Variants in ZNF462 observed in about 807,000 individuals in gnomAD.
ZNF462 encodes zinc finger protein 462, also known as zinc finger PBX1-interacting protein.
In ZNF462, 10 loss-of-function variants were observed where a neutral mutation model predicts 201.9. That is an observed-to-expected ratio of 0.05 (90% CI 0.03 to 0.08). The LOEUF (loss-of-function observed/expected upper bound fraction) is 0.08. Ranked by LOEUF, ZNF462 falls within the 10% of genes least tolerant of loss-of-function variation. The probability of loss-of-function intolerance (pLI) is 1.00; values close to 1 mark genes in which losing one functional copy is unlikely to be tolerated. For synonymous variants in ZNF462, 1,227 were observed against 1,193.3 expected (o/e 1.03, Z -0.58); for missense variants, 2,523 against 3,168.3 (o/e 0.80, Z 4.89).
In ZNF462 at chr9:106,905,014, C is replaced by T. The variant is rs951454405; in HGVS notation, c.-30-18340C>T. Among the ~76,000 whole-genome samples the T allele has an allele frequency of 6.6e-6, 1 of 151,918 alleles. No individual in the cohort carries two copies. Among genetic ancestry groups the T allele is most frequent in the African/African-American group, 2.4e-5 (1 of 41,330 alleles). On this transcript the variant is annotated intron_variant, in intron 1 of 12. Transcript: ENST00000277225. This position sits in a 1 kb window ranked among gnomAD's most constrained non-coding sequence, Gnocchi z 5.9. ...GAAGAGCCTTGTTTTGTCATATTAC[C>T]AGGGTTGGTTTTCTGGTTTCTTCTC... is the stretch of plus-strand genomic sequence containing the variant.
At chr9:106,900,026 T>C (rs1828990749) in intron 1 of ZNF462, among the ~76,000 whole-genome samples, 1 of 143,452 alleles carries the variant, frequency 7.0e-6, no homozygotes, top group African/African-American at 2.5e-5. Context: ...CCAAAGTCCA[T>C]TGTATTGTTT....
At chr9:106,983,619 T>A (rs879410056) in intron 9 of ZNF462, among the ~76,000 whole-genome samples, 5 of 152,248 alleles carry the variant, frequency 3.3e-5, no homozygotes, top group Non-Finnish European at 7.3e-5. Flanking sequence ...CCAACTGCAA[T>A]GTCTATGACC....
rs1265671117 is a variant in ZNF462, at chr9:107,011,084, G to A, written c.*54G>A. On this transcript the variant is annotated 3_prime_UTR_variant, in exon 13 of 13. Transcript: ENST00000277225. This position sits in a 1 kb window ranked among gnomAD's most constrained non-coding sequence, Gnocchi z 5.6. Reference sequence around the variant, plus strand: ...TACTTGAACAGTGATGAAAAAGTGGGAGGGCTGGCTTGGGCTGAGAAGGGA... The same window carrying A: ...TACTTGAACAGTGATGAAAAAGTGGAAGGGCTGGCTTGGGCTGAGAAGGGA... The A allele has an allele frequency of 6.3e-7, 1 of 1,584,374 alleles. No homozygotes were observed. Among genetic ancestry groups the A allele is most frequent in the African/African-American group, 1.3e-5 (1 of 74,148 alleles).
rs1344775343 is a variant in ZNF462 at position 106,927,439 on chromosome 9, T to C, written c.3527T>C (p.Leu1176Pro). Reference sequence around the variant, plus strand: ...CGGCCACCCGCCCCCATACAACAGCTGAACCGAAGCAGCTCTGAGAGAGAT... The same window carrying C: ...CGGCCACCCGCCCCCATACAACAGCCGAACCGAAGCAGCTCTGAGAGAGAT... ...SPRPPAPIQQ[L>P]NRSSSERDGP... is the part of the protein sequence containing the mutation. Residue 1176 changes from leucine (L) to proline (P), a missense_variant, in exon 3 of 13, where the codon CTG becomes CCG. Leu to Pro is a moderately conservative substitution (Grantham distance 98, BLOSUM62 -3). Transcript: ENST00000277225. 5 of 1,604,732 alleles carry C rather than the reference T, an allele frequency of 3.1e-6. No individual in the cohort carries two copies. In the South Asian group the frequency reaches 5.5e-5, roughly 18 times the overall value.
Position 106,930,687 on chromosome 9 carries a change from A to C in ZNF462, c.6010A>C (p.Lys2004Gln). 1 of 1,614,048 alleles carries C rather than the reference A, an allele frequency of 6.2e-7. No homozygotes were observed. Among genetic ancestry groups the C allele is most frequent in the Non-Finnish European group, 8.5e-7 (1 of 1,179,982 alleles). Reference sequence around the variant, plus strand: ...TGTCCCAGCTGTGTCAGCTGCTGTGAAGGTGAGAACTGGAAGGTCTGGATG... The same window carrying C: ...TGTCCCAGCTGTGTCAGCTGCTGTGCAGGTGAGAACTGGAAGGTCTGGATG... The part of the protein sequence containing the change: ...GNVPAVSAAV[K>Q]GLRSHERSHL... The change falls in exon 4 of 13, where the codon AAG becomes CAG. Residue 2004 changes from lysine (K) to glutamine (Q), a missense_variant and splice_region_variant. Physicochemically the swap from Lys to Gln is moderately conservative, Grantham distance 53 (BLOSUM62 1). Coordinates refer to ENST00000277225, the MANE Select transcript of ZNF462 (RefSeq NM_021224.6). This position sits in a 1 kb window ranked among gnomAD's most constrained non-coding sequence, Gnocchi z 5.8.
intron 1 of ZNF462, among the ~76,000 whole-genome samples, chr9:106,868,504 C>G (rs1378680173): frequency 6.6e-6 from 1 of 152,072 alleles, no homozygotes; most frequent in African/African-American, 2.4e-5. Flanking sequence ...CAGAAATTAC[C>G]AAAATTATTT....
In ZNF462 at chr9:106,870,995, A is replaced by G. The variant is rs1052408981; in HGVS notation, c.-31+7640A>G. On this transcript the variant is annotated intron_variant, in intron 1 of 12. Transcript: ENST00000277225. This position sits in a 1 kb window ranked among gnomAD's most constrained non-coding sequence, Gnocchi z 4.3. ...GAGTGTTTCTCTTTTGAACTGGGAA[A>G]TGCCAGAGGCTGGGGGGTGGGAGCC... 2.0e-5 allele frequency among the ~76,000 whole-genome samples: 3 copies of G among 152,164 alleles called. No individual in the cohort carries two copies. The highest frequency in any genetic ancestry group is 4.4e-5 in the Non-Finnish European group (3 of 68,012).
At chr9:106,867,511 A>T (rs1433668197) in intron 1 of ZNF462, among the ~76,000 whole-genome samples, 1 of 151,986 alleles carries the variant, frequency 6.6e-6, no homozygotes, top group African/African-American at 2.4e-5. Context: ...TAATTCATTG[A>T]CCATATTCCC....
chr9:106,949,144 G>T (rs1167478081), intron 7 of ZNF462, among the ~76,000 whole-genome samples: 1 of 152,074 alleles, frequency 6.6e-6, no homozygotes, highest in Non-Finnish European at 1.5e-5. Flanking sequence ...AAAATAAGTT[G>T]GGTAGCTGAT....
Position 107,006,200 on chromosome 9 carries a change from TGAGATAACACAGAA to T in ZNF462, c.7189+2777_7189+2790del, listed in dbSNP as rs1415731222. 1.3e-5 allele frequency among the ~76,000 whole-genome samples: 2 copies of T among 152,170 alleles called. No individual in the cohort carries two copies. The highest frequency in any genetic ancestry group is 2.9e-5 in the Non-Finnish European group (2 of 68,042). ...TCCATGGGTTGTTGTAAAGATTAAA[TGAGATAACACAGAA>T]GACCTTCACCCAGTTCCTAGAATAT... On this transcript the variant is annotated intron_variant, in intron 11 of 12. Coordinates refer to ENST00000277225, the MANE Select transcript of ZNF462 (RefSeq NM_021224.6). The surrounding 1 kb of genome is among the most constrained non-coding windows in gnomAD (Gnocchi z 4.3).
intron 1 of ZNF462, among the ~76,000 whole-genome samples, chr9:106,910,194 T>G (rs60387291): frequency 0.09 from 13,745 of 152,118 alleles, 1,408 homozygotes; most frequent in African/African-American, 0.25. Flanking sequence ...CCAGCCTCTC[T>G]TTCATCTTGT....
rs771469581 is a variant in ZNF462, at chr9:106,929,259, G to A, written c.5347G>A (p.Val1783Met). ...SFQSFSKKGIVSHYMKRHPGV... is the reference protein window; with the variant it reads ...SFQSFSKKGIMSHYMKRHPGV... ...CCAGTCGTTCAGCAAGAAGGGCATC[G>A]TGTCCCATTACATGAAACGCCACCC... The change falls in exon 3 of 13, where the codon GTG (valine) becomes ATG (methionine). Residue 1783 changes from valine to methionine, a missense_variant. By Grantham distance (21) the Val-to-Met change is conservative. Coordinates refer to ENST00000277225, the MANE Select transcript of ZNF462 (RefSeq NM_021224.6). This position sits in a 1 kb window ranked among gnomAD's most constrained non-coding sequence, Gnocchi z 8.7. 21 of 1,614,012 alleles carry A rather than the reference G, an allele frequency of 1.3e-5. No homozygotes were observed. Among genetic ancestry groups the A allele is most frequent in the Admixed American group, 1.7e-5 (1 of 59,998 alleles).
intron 1 of ZNF462, among the ~76,000 whole-genome samples, chr9:106,910,233 C>T (rs776530023): frequency 1.3e-5 from 2 of 151,928 alleles, no homozygotes; most frequent in Non-Finnish European, 2.9e-5. Context: ...TGTCTTTGAT[C>T]TCTTCTTTCA....
In ZNF462 at chr9:106,932,295, G is replaced by T; in HGVS notation, c.6013-151G>T. The T allele has an allele frequency of 1.3e-6, 2 of 1,552,102 alleles. No homozygotes were observed. The highest frequency in any genetic ancestry group is 1.7e-6 in the Non-Finnish European group (2 of 1,147,358). On this transcript the variant is annotated intron_variant, in intron 4 of 12. Transcript: ENST00000277225. This position sits in a 1 kb window ranked among gnomAD's most constrained non-coding sequence, Gnocchi z 6.8. Reference sequence around the variant, plus strand: ...CGGATGACCCTGCCCACTTGTTCCTGGATGGATTGGAAGCAGCCAAAGACG... The same window carrying T: ...CGGATGACCCTGCCCACTTGTTCCTTGATGGATTGGAAGCAGCCAAAGACG...
In ZNF462 at chr9:106,939,065, T is replaced by C; in HGVS notation, c.6385T>C (p.Ser2129Pro). The change falls in exon 7 of 13, where the codon TCC becomes CCC. Residue 2129 changes from serine (S) to proline (P), a missense_variant. This residue lies in a region of ZNF462 where 138 missense variants were observed against 146.3 expected (regional missense o/e 0.94). Coordinates refer to ENST00000277225, the MANE Select transcript of ZNF462 (RefSeq NM_021224.6). ...CCTCTCCTCACACTCCCACCACTCC[T>C]CCCAAAAAGCTACCCCGGCTGAAGA... ...SLLSSHSHHS[S>P]QKATPAEEVE... The C allele has an allele frequency of 6.2e-7, 1 of 1,611,298 alleles. No individual in the cohort carries two copies. Among genetic ancestry groups the C allele is most frequent in the Non-Finnish European group, 8.5e-7 (1 of 1,179,020 alleles).
In ZNF462 at chr9:107,005,512, T is replaced by C. The variant is rs1829483002; in HGVS notation, c.7189+2086T>C. 1.3e-5 allele frequency among the ~76,000 whole-genome samples: 2 copies of C among 152,230 alleles called. No homozygotes were observed. Among genetic ancestry groups the C allele is most frequent in the African/African-American group, 4.8e-5 (2 of 41,468 alleles). On this transcript the variant is annotated intron_variant, in intron 11 of 12. Coordinates refer to ENST00000277225, the MANE Select transcript of ZNF462 (RefSeq NM_021224.6). This position sits in a 1 kb window ranked among gnomAD's most constrained non-coding sequence, Gnocchi z 4.4. ...CTGCTGGCCATTTGTATGTCTTCTT[T>C]TGAGAAATGTCTACTCAGATAGATG...
chr9:106,896,169 A>G (rs1828803278), intron 1 of ZNF462, among the ~76,000 whole-genome samples: 2 of 152,130 alleles, frequency 1.3e-5, no homozygotes, highest in Non-Finnish European at 2.9e-5. Context: ...TTCCATGAGA[A>G]AGAACATGCC....
chr9:106,960,503 G>T (rs1831783697), intron 7 of ZNF462, among the ~76,000 whole-genome samples: 1 of 152,048 alleles, frequency 6.6e-6, no homozygotes, highest in African/African-American at 2.4e-5. Context: ...GATTTTTTCA[G>T]TGTGGTAAAG....
chr9:106,863,234 T>G lies in ZNF462; in HGVS notation c.-152T>G, dbSNP rs1299087973. The G allele has an allele frequency of 2.3e-5, 9 of 398,770 alleles. No individual in the cohort carries two copies. The highest frequency in any genetic ancestry group is 4.0e-5 in the Non-Finnish European group (9 of 226,220). 24.7% of individuals were successfully genotyped at this position (398,770 alleles called of 1,614,324 possible). ...ATTGCTGAGACCCGGCAGAAGCACATGAGACTCCCAAACAACTTCCACAAC... is the reference window on the plus strand; with the variant it reads ...ATTGCTGAGACCCGGCAGAAGCACAGGAGACTCCCAAACAACTTCCACAAC... On this transcript the variant is annotated 5_prime_UTR_variant, in exon 1 of 13. It removes an upstream start codon present in the reference 5' UTR. Transcript: ENST00000277225.
Sources: allele counts gnomAD v4.1 joint callset (sites outside exome capture counted in the v4.1 genomes callset), GRCh38; gene constraint gnomAD v4.1.1; regional missense constraint gnomAD v4.1.1; non-coding constraint Gnocchi (gnomAD v3.1); transcripts MANE v1.5; gene names NCBI Gene and HGNC (gene_info 2026-07-23, HGNC 2026-07-21).